The following SUFU variants were observed in gnomAD, a reference collection of about 807,000 sequenced individuals.
SUFU encodes suppressor of fused homolog.
A neutral mutation model predicts 58.9 loss-of-function variants in SUFU; 7 were observed. The observed-to-expected ratio is 0.12, with a 90% CI of 0.07 to 0.22. SUFU has a LOEUF of 0.22. SUFU is among the 10% of genes least tolerant of loss of function. The probability of loss-of-function intolerance (pLI) is 1.00; values close to 1 mark genes in which losing one functional copy is unlikely to be tolerated. For synonymous variants in SUFU, 232 were observed against 254.8 expected (o/e 0.91, Z 0.85); for missense variants, 451 against 641.3 (o/e 0.70, Z 3.20).
At chr10:102,605,536 T>C (rs368535038) in intron 8 of SUFU, among the ~76,000 whole-genome samples, 1 of 152,188 alleles carries the variant, frequency 6.6e-6, no homozygotes. Context: ...ATTTGGTTAT[T>C]GGTGTTTACT....
intron 3 of SUFU, among the ~76,000 whole-genome samples, chr10:102,585,144 G>A (rs945297330): frequency 1.3e-5 from 2 of 152,090 alleles, no homozygotes; most frequent in Non-Finnish European, 2.9e-5. Context: ...TTTAATAACA[G>A]ATTTATTGAC....
At chr10:102,573,158 T>C (rs771302973) in intron 3 of SUFU, 1 of 772,794 alleles carries the variant, frequency 1.3e-6, no homozygotes, top group African/African-American at 1.7e-5. Context: ...CTTCTTGGCC[T>C]TCAAAGCCTT....
rs528610517 is a variant in SUFU, at chr10:102,631,551, C to T, written c.*1396C>T. 3 of 233,394 alleles carry T rather than the reference C, an allele frequency of 1.3e-5. No homozygotes were observed. Among genetic ancestry groups the T allele is most frequent in the Non-Finnish European group, 2.5e-5 (3 of 118,214 alleles). 14.5% of individuals were successfully genotyped at this position (233,394 alleles called of 1,614,324 possible). On this transcript the variant is annotated 3_prime_UTR_variant, in exon 12 of 12. Transcript: ENST00000369902. ...TACAATACTTCAAGATCACTCTTTACACCTCTTCAAAGCAAAGTCATGACA... is the reference window on the plus strand; with the variant it reads ...TACAATACTTCAAGATCACTCTTTATACCTCTTCAAAGCAAAGTCATGACA...
At chr10:102,558,492 C>T (rs1020321457) in intron 3 of SUFU, among the ~76,000 whole-genome samples, 21 of 152,294 alleles carry the variant, frequency 1.4e-4, no homozygotes, top group Admixed American at 2.6e-4. Flanking sequence ...ACTACACATG[C>T]GAGCCACTGC....
At chr10:102,535,714 G>A (rs758215920) in intron 2 of SUFU, among the ~76,000 whole-genome samples, 14 of 152,062 alleles carry the variant, frequency 9.2e-5, no homozygotes, top group Non-Finnish European at 1.3e-4. Flanking sequence ...AGTAGCCACC[G>A]TGGCTGGCCT....
At chr10:102,506,069 A>T (rs942931945) in intron 1 of SUFU, among the ~76,000 whole-genome samples, 5 of 148,282 alleles carry the variant, frequency 3.4e-5, no homozygotes, top group African/African-American at 1.2e-4. Flanking sequence ...AAAAAAAAGA[A>T]GTGGGCCTGG....
intron 2 of SUFU, among the ~76,000 whole-genome samples, chr10:102,530,192 TTGCTGGGC>T (rs2062660809): frequency 6.6e-6 from 1 of 152,110 alleles, no homozygotes; most frequent in African/African-American, 2.4e-5. Flanking sequence ...CTCGTCCACT[TTGCTGGGC>T]TCCTCTCTGG....
chr10:102,597,296 G>T lies in SUFU; in HGVS notation c.910+3G>T. 1 of 1,612,080 alleles carries T rather than the reference G, an allele frequency of 6.2e-7. No individual in the cohort carries two copies. Among genetic ancestry groups the T allele is most frequent in the Non-Finnish European group, 8.5e-7 (1 of 1,179,248 alleles). On this transcript the variant is annotated splice_donor_region_variant and intron_variant, in intron 7 of 11. Coordinates refer to ENST00000369902, the MANE Select transcript of SUFU (RefSeq NM_016169.4). ...GCCCCGGCGACTCTCTGGCAAAGGTGGGAGCCATCACTCAGCATTCCACCA... is the reference window on the plus strand; with the variant it reads ...GCCCCGGCGACTCTCTGGCAAAGGTTGGAGCCATCACTCAGCATTCCACCA...
intron 3 of SUFU, among the ~76,000 whole-genome samples, chr10:102,569,558 C>T (rs924547280): frequency 6.6e-6 from 1 of 152,208 alleles, no homozygotes; most frequent in African/African-American, 2.4e-5. Flanking sequence ...CTGGCCTGAA[C>T]ACCAAAAGGG....
intron 8 of SUFU, 68 bp downstream of exon 8, chr10:102,599,612 G>T (rs777133389): frequency 7.6e-7 from 1 of 1,322,852 alleles, no homozygotes; most frequent in African/African-American, 1.4e-5. Flanking sequence ...TGTCCCTGTG[G>T]ATTGCATGAG....
intron 2 of SUFU, among the ~76,000 whole-genome samples, chr10:102,530,952 T>C (rs1472497270): frequency 6.6e-6 from 1 of 151,970 alleles, no homozygotes; most frequent in African/African-American, 2.4e-5. Context: ...AATTGTAGTT[T>C]CTTGGCTGTG....
intron 8 of SUFU, among the ~76,000 whole-genome samples, chr10:102,613,076 T>A (rs2063642899): frequency 6.6e-6 from 1 of 152,042 alleles, no homozygotes; most frequent in Admixed American, 6.6e-5. Context: ...GTGGCCCTGG[T>A]GGAAGGGAAA....
intron 10 of SUFU, chr10:102,618,654 A>G (rs891050651): frequency 8.6e-5 from 20 of 232,864 alleles, no homozygotes; most frequent in African/African-American, 4.5e-4. Flanking sequence ...ATACATTTTA[A>G]AAGTCCCACT....
At chr10:102,621,714 A>G (rs563464098) in intron 10 of SUFU, among the ~76,000 whole-genome samples, 10 of 152,276 alleles carry the variant, frequency 6.6e-5, no homozygotes, top group African/African-American at 2.4e-4. Context: ...CTTCCCTGAG[A>G]GGAGGAAAGG....
At chr10:102,615,938 C>T (rs769626361) in intron 9 of SUFU, among the ~76,000 whole-genome samples, 15 of 150,122 alleles carry the variant, frequency 1.0e-4, no homozygotes, top group Non-Finnish European at 1.8e-4. Context: ...CTCAGCCCTG[C>T]TCCCCTTAGG....
At chr10:102,516,125 C>CTTTTTTTTTTTTT (rs60544094) in intron 2 of SUFU, among the ~76,000 whole-genome samples, 15 of 125,578 alleles carry the variant, frequency 1.2e-4, no homozygotes, top group East Asian at 2.2e-4. Context: ...TCTTTCTTTT[C>CTTTTTTTTTTTTT]TTTTTTTTTT....
chr10:102,577,895 ATGGTCTCCATCTCCTGACCTCG>A (rs2063230210), intron 3 of SUFU, among the ~76,000 whole-genome samples: 2 of 142,666 alleles, frequency 1.4e-5, no homozygotes, highest in African/African-American at 2.6e-5. Context: ...GTTAGCCAGG[ATGGTCTCCATCTCCTGACCTCG>A]TGATCTGCCC....
chr10:102,549,087 A>G (rs1390825635), intron 2 of SUFU, among the ~76,000 whole-genome samples: 1 of 152,130 alleles, frequency 6.6e-6, no homozygotes, highest in Non-Finnish European at 1.5e-5. Context: ...CCTGTCCACA[A>G]ATGCTGAGTC....
chr10:102,512,547 G>GTT (rs1189918038), intron 2 of SUFU, among the ~76,000 whole-genome samples: 2 of 152,060 alleles, frequency 1.3e-5, no homozygotes, highest in Non-Finnish European at 2.9e-5. Context: ...CTTTCTTATT[G>GTT]TTTTTTTCTG....
Sources: gnomAD v4.1 joint callset for allele counts (sites outside exome capture counted in the v4.1 genomes callset) on GRCh38, gnomAD v4.1.1 for gene constraint, MANE v1.5 for transcripts, NCBI Gene and HGNC (gene_info 2026-07-23, HGNC 2026-07-21) for gene names.